SH3KBP1: variants seen among roughly 807,000 people sequenced by gnomAD.
The protein encoded by SH3KBP1 is SH3 domain-containing kinase-binding protein 1.
A neutral mutation model predicts 50.1 loss-of-function variants in SH3KBP1; 8 were observed. That is an observed-to-expected ratio of 0.16 (90% CI 0.09 to 0.29). The LOEUF (loss-of-function observed/expected upper bound fraction) is 0.29, where lower values mean the gene tolerates loss of function less well. Among genes scored for constraint, SH3KBP1 ranks in the 10% least tolerant of loss-of-function variants. The pLI is 1.00. For missense variants in SH3KBP1, 377 were observed against 535.2 expected (o/e 0.70, Z 2.92); for synonymous variants, 227 against 218.6 (o/e 1.04, Z -0.34).
At chrX:19,760,007 C>T (rs752059333) in intron 2 of SH3KBP1, among the ~76,000 whole-genome samples, 47 of 101,684 alleles carry the variant, frequency 4.6e-4, no homozygotes, top group African/African-American at 1.8e-3. Context: ...AAATCAGTCT[C>T]GGTCTCTCTC....
intron 4 of SH3KBP1, among the ~76,000 whole-genome samples, chrX:19,697,252 A>G (rs978762198): frequency 5.3e-5 from 6 of 112,342 alleles, no homozygotes; most frequent in Non-Finnish European, 1.1e-4. Context: ...CTGTATTACC[A>G]ATCCAAATTA....
At chrX:19,757,587 A>G (rs1349220200) in intron 2 of SH3KBP1, among the ~76,000 whole-genome samples, 13 of 106,207 alleles carry the variant, frequency 1.2e-4, no homozygotes, top group African/African-American at 4.5e-4. Context: ...AAGCAGATTC[A>G]CCGAGCCAGA....
intron 12 of SH3KBP1, among the ~76,000 whole-genome samples, chrX:19,584,943 G>A (rs1008964991): frequency 9.0e-6 from 1 of 111,541 alleles, no homozygotes; most frequent in Admixed American, 9.5e-5. Flanking sequence ...CGAAGATCTG[G>A]GTTCACACAG....
At chrX:19,664,985 A>T (rs1256073663) in intron 6 of SH3KBP1, among the ~76,000 whole-genome samples, 1 of 112,218 alleles carries the variant, frequency 8.9e-6, no homozygotes, top group Non-Finnish European at 1.9e-5. Context: ...CGACTCTAGG[A>T]TCTAAAAATA....
intron 13 of SH3KBP1, among the ~76,000 whole-genome samples, chrX:19,567,201 G>A (rs950151856): frequency 9.2e-6 from 1 of 108,881 alleles, no homozygotes; most frequent in African/African-American, 3.4e-5. Context: ...TTGACTGGTG[G>A]TAGATACACA....
At chrX:19,617,909 A>T (rs2148181384) in intron 8 of SH3KBP1, among the ~76,000 whole-genome samples, 1 of 111,444 alleles carries the variant, frequency 9.0e-6, no homozygotes, top group African/African-American at 3.3e-5. Context: ...GGGAAAAAAC[A>T]AAAACAAAAA....
At chrX:19,788,291 A>C (rs992344171) in intron 2 of SH3KBP1, among the ~76,000 whole-genome samples, 2 of 108,668 alleles carry the variant, frequency 1.8e-5, no homozygotes, top group Non-Finnish European at 3.8e-5. Context: ...AAAAACAAAA[A>C]AAAAAAACAC....
chrX:19,652,050 C>T (rs1008960129), intron 6 of SH3KBP1, among the ~76,000 whole-genome samples: 12 of 111,293 alleles, frequency 1.1e-4, no homozygotes, highest in African/African-American at 3.3e-5. Flanking sequence ...TCACCCTTTG[C>T]CCTAGCATTA....
intron 6 of SH3KBP1, among the ~76,000 whole-genome samples, chrX:19,646,269 T>C (rs1023344831): frequency 7.1e-5 from 8 of 112,122 alleles, no homozygotes; most frequent in African/African-American, 2.6e-4. Flanking sequence ...TTAACATTAT[T>C]TATGAACTGT....
At chrX:19,743,102 C>G (rs963239199) in intron 3 of SH3KBP1, among the ~76,000 whole-genome samples, 3 of 111,688 alleles carry the variant, frequency 2.7e-5, no homozygotes, top group Non-Finnish European at 5.6e-5. Flanking sequence ...ATTCCAGTCA[C>G]ATCATCTTCT....
chrX:19,578,203 C>T (rs771261983), intron 12 of SH3KBP1, among the ~76,000 whole-genome samples: 23 of 111,694 alleles, frequency 2.1e-4, no homozygotes, highest in Non-Finnish European at 2.8e-4. Context: ...TTTTTGGTTA[C>T]GTGGATGAAT....
chrX:19,804,531 T>TTTAAACA (rs1242782472), intron 2 of SH3KBP1, among the ~76,000 whole-genome samples: 1 of 111,501 alleles, frequency 9.0e-6, no homozygotes, highest in African/African-American at 3.3e-5. Flanking sequence ...AAAGCTTAAC[T>TTTAAACA]TTAAACATCT....
intron 13 of SH3KBP1, among the ~76,000 whole-genome samples, chrX:19,554,162 TATA>T (rs1230032064): frequency 1.3e-5 from 1 of 76,299 alleles, no homozygotes; most frequent in Non-Finnish European, 2.2e-5. Flanking sequence ...CATATTAAAA[TATA>T]ATATATATCA....
intron 2 of SH3KBP1, among the ~76,000 whole-genome samples, chrX:19,781,617 C>CA (rs779535076): frequency 7.2e-3 from 427 of 59,174 alleles, no homozygotes; most frequent in Middle Eastern, 0.028. Flanking sequence ...GACTCGGTCA[C>CA]AAAAAAAAAA....
At chrX:19,877,731 G>A (rs1404328283) in intron 1 of SH3KBP1, among the ~76,000 whole-genome samples, 2 of 112,384 alleles carry the variant, frequency 1.8e-5, no homozygotes, top group Admixed American at 9.4e-5. Flanking sequence ...TATACATGCT[G>A]TACTTGGGTG....
intron 5 of SH3KBP1, among the ~76,000 whole-genome samples, chrX:19,690,121 A>T (rs1384658702): frequency 9.7e-6 from 1 of 103,450 alleles, no homozygotes; most frequent in Non-Finnish European, 2.0e-5. Flanking sequence ...GTGCAATGGC[A>T]CAATCATAGT....
At chrX:19,660,930 A>G (rs1445560668) in intron 6 of SH3KBP1, among the ~76,000 whole-genome samples, 1 of 112,640 alleles carries the variant, frequency 8.9e-6, no homozygotes, top group African/African-American at 3.2e-5. Context: ...CAACTCATGT[A>G]GTACAGATTT....
intron 1 of SH3KBP1, among the ~76,000 whole-genome samples, chrX:19,837,671 C>T (rs1473597269): frequency 9.1e-6 from 1 of 109,738 alleles, no homozygotes; most frequent in Non-Finnish European, 1.9e-5. Context: ...GAACTCCTGA[C>T]CTCAGATGAT....
At chrX:19,766,724 C>T (rs760145777) in intron 2 of SH3KBP1, among the ~76,000 whole-genome samples, 1 of 109,296 alleles carries the variant, frequency 9.1e-6, no homozygotes, top group Non-Finnish European at 1.9e-5. Context: ...ACCTCCTTAC[C>T]TCGTGATCCA....
Sources: allele counts gnomAD v4.1 joint callset (sites outside exome capture counted in the v4.1 genomes callset), GRCh38; gene constraint gnomAD v4.1.1; transcripts MANE v1.5; gene names NCBI Gene and HGNC (gene_info 2026-07-23, HGNC 2026-07-21).